Variants in TEX11 observed in about 807,000 individuals in gnomAD.
TEX11 encodes testis expressed 11, also known as testis-expressed protein 11.
In TEX11, 7 loss-of-function variants were observed where a neutral mutation model predicts 84.4. That is an observed-to-expected ratio of 0.08 (90% CI 0.05 to 0.16). The LOEUF (loss-of-function observed/expected upper bound fraction) is 0.16. Ranked by LOEUF, TEX11 falls within the 10% of genes least tolerant of loss-of-function variation. The probability of loss-of-function intolerance (pLI) is 1.00; values close to 1 mark genes in which losing one functional copy is unlikely to be tolerated. For synonymous variants in TEX11, 264 were observed against 222.8 expected, an observed-to-expected ratio of 1.18 and a Z score of -1.64; for missense variants, 551 against 660.5, an observed-to-expected ratio of 0.83 and a Z score of 1.82.
intron 13 of TEX11, among the ~76,000 whole-genome samples, chrX:70,709,093 G>A (rs1254912987): frequency 9.0e-6 from 1 of 111,036 alleles, no homozygotes; most frequent in Non-Finnish European, 1.9e-5. Flanking sequence ...CTGGAACTAT[G>A]ATTCCTGAAA....
intron 17 of TEX11, among the ~76,000 whole-genome samples, chrX:70,649,041 A>G (rs757327401): frequency 9.0e-6 from 1 of 111,589 alleles, no homozygotes; most frequent in Non-Finnish European, 1.9e-5. Context: ...TGCAAAAGAC[A>G]TGATCTTATT....
intron 9 of TEX11, among the ~76,000 whole-genome samples, chrX:70,803,289 G>A (rs139251253): frequency 2.5e-3 from 281 of 111,806 alleles, no homozygotes; most frequent in African/African-American, 8.5e-3. Flanking sequence ...ACAGTAAAGC[G>A]AGCTGAAGGA....
intron 9 of TEX11, among the ~76,000 whole-genome samples, chrX:70,758,859 T>C (rs932266853): frequency 1.8e-5 from 2 of 110,832 alleles, no homozygotes; most frequent in African/African-American, 6.6e-5. Context: ...ACAAAATAGA[T>C]AGACTGCTAG....
At chrX:70,794,344 GGAACTTGAGTTGT>G (rs2091143221) in intron 9 of TEX11, among the ~76,000 whole-genome samples, 1 of 111,846 alleles carries the variant, frequency 8.9e-6, no homozygotes, top group African/African-American at 3.3e-5. Flanking sequence ...TCCAGTAATT[GGAACTTGAGTTGT>G]AGCAAGCCTC....
At chrX:70,785,587 C>T (rs937795313) in intron 9 of TEX11, among the ~76,000 whole-genome samples, 59 of 111,758 alleles carry the variant, frequency 5.3e-4, no homozygotes, top group African/African-American at 1.8e-3. Context: ...AGGGCTAATA[C>T]GCAGAATCTA....
intron 20 of TEX11, among the ~76,000 whole-genome samples, chrX:70,615,894 GA>G (rs113309168): frequency 9.0e-6 from 1 of 111,384 alleles, no homozygotes; most frequent in South Asian, 3.7e-4. Context: ...AGTGTTGAAG[GA>G]AAAAACTTTT....
intron 9 of TEX11, among the ~76,000 whole-genome samples, chrX:70,747,166 G>T (rs773285621): frequency 8.9e-6 from 1 of 112,013 alleles, no homozygotes; most frequent in East Asian, 2.8e-4. Context: ...GACTGAATTA[G>T]TCTCTCCCAG....
At chrX:70,751,022 T>C (rs1405387169) in intron 9 of TEX11, among the ~76,000 whole-genome samples, 1 of 96,359 alleles carries the variant, frequency 1.0e-5, no homozygotes, top group Non-Finnish European at 2.1e-5. Flanking sequence ...AACACTTTTA[T>C]ACTGTTGGTG....
intron 1 of TEX11, among the ~76,000 whole-genome samples, 190 bp downstream of exon 1, chrX:70,908,464 A>G (rs1157900236): frequency 1.8e-5 from 2 of 112,290 alleles, no homozygotes; most frequent in East Asian, 5.6e-4. Flanking sequence ...CTCGTCCAAA[A>G]ACATTACATT....
At chrX:70,689,836 AG>A (rs1357334666) in intron 13 of TEX11, among the ~76,000 whole-genome samples, 1 of 111,815 alleles carries the variant, frequency 8.9e-6, no homozygotes, top group Admixed American at 9.6e-5. Context: ...GTATGTAAAA[AG>A]GAAAAATGGA....
chrX:70,693,450 C>T (rs1476603684), intron 13 of TEX11, among the ~76,000 whole-genome samples: 1 of 111,588 alleles, frequency 9.0e-6, no homozygotes, highest in Non-Finnish European at 1.9e-5. Flanking sequence ...GAAATTCCCT[C>T]ATTTACAAAA....
At chrX:70,808,666 T>A (rs2091234899) in intron 8 of TEX11, among the ~76,000 whole-genome samples, 1 of 109,377 alleles carries the variant, frequency 9.1e-6, no homozygotes, top group Non-Finnish European at 1.9e-5. Flanking sequence ...ATCAAAACCT[T>A]AATGTACCCC....
chrX:70,783,807 C>G lies in TEX11; in HGVS notation c.692+22898G>C, dbSNP rs187184543. 1.4e-4 allele frequency among the ~76,000 whole-genome samples: 16 copies of G among 111,604 alleles called. No individual in the cohort carries two copies. In the East Asian group the frequency reaches 4.2e-3, roughly 29 times the overall value. ...GTTGAATCTCCGAATAGGTGAATAACAGGTTCTGAAATTGAGGCAATAATT... is the reference window on the plus strand; with the variant it reads ...GTTGAATCTCCGAATAGGTGAATAAGAGGTTCTGAAATTGAGGCAATAATT... On this transcript the variant is annotated intron_variant, in intron 9 of 29. Transcript: ENST00000374333.
Position 70,880,121 on chromosome X carries a change from A to G in TEX11, c.38-12T>C, listed in dbSNP as rs748435650. ...GTTTTCAACAACTTCTGAAATGACA[A>G]TGGATGATAAATGTGCTGTGAACTA... On this transcript the variant is annotated splice_polypyrimidine_tract_variant and intron_variant, in intron 2 of 29. Coordinates refer to ENST00000374333, the MANE Select transcript of TEX11 (RefSeq NM_031276.3). The G allele has an allele frequency of 4.3e-6, 5 of 1,164,210 alleles. No homozygotes were observed. The highest frequency in any genetic ancestry group is 5.8e-6 in the Non-Finnish European group (5 of 865,067).
intron 8 of TEX11, among the ~76,000 whole-genome samples, chrX:70,815,867 G>T (rs1329242488): frequency 9.0e-6 from 1 of 111,570 alleles, no homozygotes; most frequent in East Asian, 2.8e-4. Flanking sequence ...GATTTTTTAG[G>T]ACTTCACAAA....
intron 3 of TEX11, among the ~76,000 whole-genome samples, 154 bp from the exon 4 acceptor site, chrX:70,873,461 T>C (rs1032537086): frequency 2.7e-5 from 3 of 111,665 alleles, no homozygotes; most frequent in Non-Finnish European, 3.8e-5. Flanking sequence ...CGCAAAAACT[T>C]ACCCACTGTT....
intron 9 of TEX11, among the ~76,000 whole-genome samples, chrX:70,804,053 T>C (rs888684552): frequency 7.1e-5 from 8 of 111,978 alleles, no homozygotes; most frequent in Non-Finnish European, 7.5e-5. Context: ...TATGACATTT[T>C]ATTTGGGAAC....
intron 16 of TEX11, among the ~76,000 whole-genome samples, chrX:70,662,976 A>G (rs1370388001): frequency 8.9e-6 from 1 of 111,733 alleles, no homozygotes; most frequent in Non-Finnish European, 1.9e-5. Context: ...CTATACCTAA[A>G]ATGAATGCAT....
chrX:70,598,003 A>T (rs1289743020), intron 24 of TEX11, among the ~76,000 whole-genome samples: 1 of 111,765 alleles, frequency 8.9e-6, no homozygotes, highest in East Asian at 2.8e-4. Context: ...CCAACATGGC[A>T]AAACCCTGTC....
Sources: allele counts gnomAD v4.1 joint callset (sites outside exome capture counted in the v4.1 genomes callset), GRCh38; gene constraint gnomAD v4.1.1; transcripts MANE v1.5; gene names NCBI Gene and HGNC (gene_info 2026-07-23, HGNC 2026-07-21).